Variants in TMEM132B observed in about 807,000 individuals in gnomAD.
TMEM132B encodes the protein transmembrane protein 132B.
A neutral mutation model predicts 90.8 loss-of-function variants in TMEM132B; 18 were observed. That is an observed-to-expected ratio of 0.20 (90% CI 0.14 to 0.29). The LOEUF is 0.29. TMEM132B is among the 10% of genes least tolerant of loss of function. The probability of loss-of-function intolerance (pLI) is 1.00; values close to 1 mark genes in which losing one functional copy is unlikely to be tolerated. For synonymous variants in TMEM132B, 504 were observed against 523.3 expected, an observed-to-expected ratio of 0.96 and a Z score of 0.50; for missense variants, 1,096 against 1,326.8, an observed-to-expected ratio of 0.83 and a Z score of 2.70.
chr12:125,186,862 C>G lies in TMEM132B; in HGVS notation c.63C>G (p.Cys21Trp), dbSNP rs929196535. The change falls in exon 1 of 9, where the codon TGC becomes TGG. Residue 21 changes from cysteine to tryptophan, a missense_variant. Physicochemically the swap from Cys to Trp is radical, Grantham distance 215 (BLOSUM62 -2). Transcript: ENST00000682704. The surrounding 1 kb of genome is among the most constrained non-coding windows in gnomAD (Gnocchi z 6.3). ...TGCTGGCGCTGACTGCGCTCCAGTG[C>G]CCAGGTAACGCGTCCCCGGACCCCA... Reference protein sequence around the residue: ...GLLLALTALQCPVTESRGIVD... With the variant: ...GLLLALTALQWPVTESRGIVD... 17 of 152,024 alleles carry G rather than the reference C, an allele frequency of 1.1e-4. No individual in the cohort carries two copies. Among genetic ancestry groups the G allele is most frequent in the African/African-American group, 4.1e-4 (17 of 41,390 alleles). 9.4% of individuals were successfully genotyped at this position (152,024 alleles called of 1,614,324 possible).
rs568908981 is a variant in TMEM132B, at chr12:125,529,693, A to G, written c.1293+10068A>G. Among the ~76,000 whole-genome samples, 5 of 152,340 alleles carry G rather than the reference A, an allele frequency of 3.3e-5. No homozygotes were observed. The East Asian group carries it at 9.7e-4, about 29-fold the overall frequency. On this transcript the variant is annotated intron_variant, in intron 4 of 8. Coordinates refer to ENST00000682704, the MANE Select transcript of TMEM132B (RefSeq NM_001366854.1). The stretch of plus-strand genomic sequence containing the variant: ...GGGTCTGTCCCAGCTTTGGGAAGCC[A>G]TAAGTAGGAGGGCATTTTAGAAAGG...
chr12:125,249,903 C>T (rs1215399643), intron 1 of TMEM132B, among the ~76,000 whole-genome samples: 2 of 152,250 alleles, frequency 1.3e-5, no homozygotes, highest in Non-Finnish European at 2.9e-5. Flanking sequence ...GGGACCTAGA[C>T]ATCACCTTTG....
chr12:125,641,921 C>T (rs531918938), intron 5 of TMEM132B, among the ~76,000 whole-genome samples: 1 of 152,158 alleles, frequency 6.6e-6, no homozygotes, highest in Non-Finnish European at 1.5e-5. Flanking sequence ...GTGATAACCA[C>T]CTGAGCTAGG....
chr12:125,323,081 T>C (rs762505085), intron 1 of TMEM132B, among the ~76,000 whole-genome samples: 3 of 152,184 alleles, frequency 2.0e-5, no homozygotes, highest in Non-Finnish European at 4.4e-5. Flanking sequence ...GCCTGGCCTA[T>C]AGCTTATGTT....
chr12:125,650,670 C>T lies in TMEM132B; in HGVS notation c.1644-13C>T. 1.9e-6 allele frequency: 3 copies of T among 1,601,940 alleles called. No homozygotes were observed. The highest frequency in any genetic ancestry group is 2.6e-6 in the Non-Finnish European group (3 of 1,169,658). On this transcript the variant is annotated splice_polypyrimidine_tract_variant and intron_variant, in intron 6 of 8. Transcript: ENST00000682704. The stretch of plus-strand genomic sequence containing the variant: ...ATGAAGACTTTGTTCTGTTTCGATT[C>T]CTTGTGCTCCAGGCCTACCCGGGAA...
At chr12:125,563,586 C>A (rs1407700541) in intron 4 of TMEM132B, among the ~76,000 whole-genome samples, 1 of 149,806 alleles carries the variant, frequency 6.7e-6, no homozygotes, top group African/African-American at 2.5e-5. Context: ...AACAAACAAA[C>A]AAACAAACAA....
At chr12:125,519,015 A>G (rs1883237105) in intron 3 of TMEM132B, among the ~76,000 whole-genome samples, 1 of 152,198 alleles carries the variant, frequency 6.6e-6, no homozygotes, top group Non-Finnish European at 1.5e-5. Flanking sequence ...GCTAAGTAGA[A>G]GCAGGAATGG....
intron 3 of TMEM132B, among the ~76,000 whole-genome samples, chr12:125,518,410 C>T (rs578123793): frequency 6.6e-6 from 1 of 152,160 alleles, no homozygotes; most frequent in Non-Finnish European, 1.5e-5. Context: ...TACATTGGTC[C>T]TAGGAGGCTC....
At chr12:125,262,609 T>G (rs528842862) in intron 1 of TMEM132B, among the ~76,000 whole-genome samples, 6 of 152,302 alleles carry the variant, frequency 3.9e-5, no homozygotes, top group African/African-American at 1.4e-4. Flanking sequence ...AGGCTGTCAG[T>G]TACCATTTAT....
intron 3 of TMEM132B, among the ~76,000 whole-genome samples, chr12:125,449,368 G>C (rs1487551180): frequency 6.6e-6 from 1 of 152,154 alleles, no homozygotes; most frequent in Non-Finnish European, 1.5e-5. Flanking sequence ...TAATTTATTT[G>C]CATGAAATTG....
chr12:125,345,233 C>G (rs561162421), intron 1 of TMEM132B, among the ~76,000 whole-genome samples: 1 of 152,180 alleles, frequency 6.6e-6, no homozygotes, highest in Non-Finnish European at 1.5e-5. Flanking sequence ...AGAGGAGACT[C>G]AGCCTCAGAA....
chr12:125,314,175 C>A (rs1373950030), intron 1 of TMEM132B, among the ~76,000 whole-genome samples: 1 of 152,156 alleles, frequency 6.6e-6, no homozygotes, highest in Non-Finnish European at 1.5e-5. Context: ...AGTCTTGCTC[C>A]AATTCGAGGT....
chr12:125,509,143 C>T (rs898957794), intron 3 of TMEM132B, among the ~76,000 whole-genome samples: 4 of 152,182 alleles, frequency 2.6e-5, no homozygotes, highest in African/African-American at 9.7e-5. Context: ...GGATATATAA[C>T]AGGCACAGGG....
chr12:125,376,170 G>A (rs534082394), intron 2 of TMEM132B, among the ~76,000 whole-genome samples: 6 of 152,176 alleles, frequency 3.9e-5, no homozygotes, highest in Non-Finnish European at 7.4e-5. Context: ...CCACATCCCA[G>A]GCTGGGAGGC....
Position 125,653,636 on chromosome 12 carries a change from G to T in TMEM132B, c.2178G>T (p.Lys726Asn), listed in dbSNP as rs1271660463. The T allele has an allele frequency of 6.2e-7, 1 of 1,614,190 alleles. No homozygotes were observed. Among genetic ancestry groups the T allele is most frequent in the Non-Finnish European group, 8.5e-7 (1 of 1,180,032 alleles). Residue 726 changes from lysine (K) to asparagine (N), a missense_variant, in exon 9 of 9, where the codon AAG (lysine) becomes AAT (asparagine). Transcript: ENST00000682704. ...SVTPLDIYDPKDYSVTVSSLD... is the reference protein window; with the variant it reads ...SVTPLDIYDPNDYSVTVSSLD... ...CACCTTTAGACATTTACGATCCTAA[G>T]GATTATTCTGTTACTGTCTCATCAT...
At chr12:125,574,300 C>G (rs1884881832) in intron 4 of TMEM132B, among the ~76,000 whole-genome samples, 1 of 152,068 alleles carries the variant, frequency 6.6e-6, no homozygotes, top group Non-Finnish European at 1.5e-5. Flanking sequence ...AGCAGATGCT[C>G]TCTTGTATGA....
At chr12:125,451,767 C>A (rs1451694505) in intron 3 of TMEM132B, among the ~76,000 whole-genome samples, 2 of 152,126 alleles carry the variant, frequency 1.3e-5, no homozygotes, top group South Asian at 4.1e-4. Flanking sequence ...TAGATGAAGG[C>A]ACTTTTCTCC....
intron 3 of TMEM132B, among the ~76,000 whole-genome samples, chr12:125,474,269 T>TCCCTC (rs1265849757): frequency 1.1e-4 from 6 of 53,972 alleles, no homozygotes; most frequent in Admixed American, 2.2e-4. Context: ...TCCCCTCCCC[T>TCCCTC]CCCTCCCCTC....
At chr12:125,205,360 A>G (rs1593040773) in intron 1 of TMEM132B, among the ~76,000 whole-genome samples, 2 of 144,024 alleles carry the variant, frequency 1.4e-5, no homozygotes, top group African/African-American at 2.6e-5. Flanking sequence ...TTTCAATGAG[A>G]GCTCCGTGTG....
Sources: allele counts gnomAD v4.1 joint callset (sites outside exome capture counted in the v4.1 genomes callset), GRCh38; gene constraint gnomAD v4.1.1; non-coding constraint Gnocchi (gnomAD v3.1); transcripts MANE v1.5; gene names NCBI Gene and HGNC (gene_info 2026-07-23, HGNC 2026-07-21).